Variants in ULK4 observed in about 807,000 individuals in gnomAD.
ULK4 encodes the protein inactive serine/threonine-protein kinase ULK4.
ULK4 carries 133 observed loss-of-function variants against 160.6 expected under a neutral mutation model. The observed-to-expected ratio is 0.83, with a 90% CI of 0.72 to 0.96. The LOEUF (loss-of-function observed/expected upper bound fraction) is 0.96, where lower values mean the gene tolerates loss of function less well. Ranked by LOEUF, ULK4 falls within the 40% of genes least tolerant of loss-of-function variation. The pLI is 0.00. For missense variants in ULK4, 1,580 were observed against 1,499.5 expected (o/e 1.05, Z -0.89); for synonymous variants, 534 against 539.8 (o/e 0.99, Z 0.15).
chr3:41,837,514 T>C (rs1275669323), intron 17 of ULK4, among the ~76,000 whole-genome samples: 1 of 152,196 alleles, frequency 6.6e-6, no homozygotes, highest in Non-Finnish European at 1.5e-5. Flanking sequence ...GTCTGGCTTC[T>C]TTCAGCATAA....
chr3:41,325,462 A>G (rs2080322623), intron 35 of ULK4, among the ~76,000 whole-genome samples: 1 of 152,230 alleles, frequency 6.6e-6, no homozygotes, highest in Non-Finnish European at 1.5e-5. Context: ...ATAAACACAT[A>G]CTTTTGATGC....
chr3:41,605,945 A>G (rs1186204690), intron 31 of ULK4, among the ~76,000 whole-genome samples: 1 of 152,056 alleles, frequency 6.6e-6, no homozygotes, highest in East Asian at 1.9e-4. Context: ...TAAAAAATAT[A>G]TCTGACAGTC....
intron 17 of ULK4, chr3:41,859,542 G>C (rs1451466276): frequency 1.8e-6 from 1 of 543,212 alleles, no homozygotes; most frequent in African/African-American, 1.9e-5. Context: ...AGCCAACGAA[G>C]CCCCAGAACA....
Position 41,431,547 on chromosome 3 carries a change from C to CTTTTTTTTTTTTTTTTTTTTTTTTTTTT in ULK4, c.3492+23949_3492+23950insAAAAAAAAAAAAAAAAAAAAAAAAAAAA, listed in dbSNP as rs1553664758. The stretch of plus-strand genomic sequence containing the variant: ...CCTGTGAGGTGTTGTAATTCCCTCC[C>CTTTTTTTTTTTTTTTTTTTTTTTTTTTT]TTTTTTTTTTTTTTTGATGTGGAAA... On this transcript the variant is annotated intron_variant, in intron 34 of 36. Transcript: ENST00000301831. Among the ~76,000 whole-genome samples, 155 of 95,816 alleles carry CTTTTTTTTTTTTTTTTTTTTTTTTTTTT rather than the reference C, an allele frequency of 1.6e-3. 18 individuals carry two copies. The highest frequency in any genetic ancestry group is 4.4e-3 in the East Asian group (10 of 2,252). 62.9% of individuals were successfully genotyped at this position (95,816 alleles called of 152,430 possible).
intron 18 of ULK4, among the ~76,000 whole-genome samples, chr3:41,832,080 G>A (rs1223378996): frequency 6.6e-6 from 1 of 152,122 alleles, no homozygotes; most frequent in Non-Finnish European, 1.5e-5. Context: ...TGGGATTGCT[G>A]GGTCAAATGG....
At chr3:41,262,276 T>TCCAGGGGC (rs1369440279) in intron 35 of ULK4, among the ~76,000 whole-genome samples, 2 of 152,186 alleles carry the variant, frequency 1.3e-5, no homozygotes, top group Non-Finnish European at 2.9e-5. Flanking sequence ...AGTCCCAGCT[T>TCCAGGGGC]CCAGGGGCCC....
chr3:41,413,443 G>GA (rs2082453627), intron 34 of ULK4, among the ~76,000 whole-genome samples: 1 of 152,060 alleles, frequency 6.6e-6, no homozygotes, highest in African/African-American at 2.4e-5. Flanking sequence ...ATGACAAAAG[G>GA]AAAAATTGAT....
chr3:41,782,156 AT>A (rs35717916), intron 21 of ULK4, among the ~76,000 whole-genome samples: 287 of 142,752 alleles, frequency 2.0e-3, no homozygotes, highest in Middle Eastern at 3.5e-3. Flanking sequence ...GCGATTCTGA[AT>A]TTTTTTTTTT....
At chr3:41,865,679 T>C (rs1378828166) in intron 17 of ULK4, among the ~76,000 whole-genome samples, 7 of 152,158 alleles carry the variant, frequency 4.6e-5, no homozygotes, top group Non-Finnish European at 1.0e-4. Context: ...CCCAATTACT[T>C]GGCTCAAAGA....
chr3:41,863,730 G>T (rs563083864), intron 17 of ULK4, among the ~76,000 whole-genome samples: 1 of 151,894 alleles, frequency 6.6e-6, no homozygotes, highest in Non-Finnish European at 1.5e-5. Context: ...GGGTGTTCTA[G>T]AAATACCATC....
intron 35 of ULK4, among the ~76,000 whole-genome samples, chr3:41,337,951 A>G (rs1363304351): frequency 6.6e-6 from 1 of 152,196 alleles, no homozygotes; most frequent in African/African-American, 2.4e-5. Flanking sequence ...AACCAGAGGG[A>G]AAGATGATGA....
chr3:41,748,144 CTA>C (rs143813305), intron 22 of ULK4, among the ~76,000 whole-genome samples: 29,791 of 145,316 alleles, frequency 0.21, 3,005 homozygotes, highest in Middle Eastern at 0.34. Flanking sequence ...TATATAGAGA[CTA>C]TATATATATA....
chr3:41,842,202 A>C (rs1430641588), intron 17 of ULK4, among the ~76,000 whole-genome samples: 2 of 148,924 alleles, frequency 1.3e-5, no homozygotes, highest in South Asian at 2.1e-4. Context: ...AAAAAAAAGA[A>C]GACTAAGGTG....
intron 31 of ULK4, among the ~76,000 whole-genome samples, chr3:41,584,474 A>G (rs534181944): frequency 6.6e-6 from 1 of 152,188 alleles, no homozygotes; most frequent in Non-Finnish European, 1.5e-5. Context: ...TAATTAGTAG[A>G]GATGAGGTCT....
At chr3:41,716,219 T>TAATAATAAC (rs1162710698) in intron 23 of ULK4, among the ~76,000 whole-genome samples, 47 of 39,176 alleles carry the variant, frequency 1.2e-3, no homozygotes, top group African/African-American at 3.1e-3. Flanking sequence ...TCTCACAAAA[T>TAATAATAAC]AATAATAATA....
intron 32 of ULK4, among the ~76,000 whole-genome samples, chr3:41,509,284 A>G (rs1216238123): frequency 6.6e-6 from 1 of 152,124 alleles, no homozygotes; most frequent in East Asian, 1.9e-4. Flanking sequence ...AGAAGAAAGA[A>G]TTTTTAAAAA....
chr3:41,471,207 T>C (rs987313821), intron 32 of ULK4, among the ~76,000 whole-genome samples: 1 of 152,028 alleles, frequency 6.6e-6, no homozygotes, highest in Non-Finnish European at 1.5e-5. Flanking sequence ...CTTCTATTTA[T>C]ATAAAACAAA....
rs566805860 is a variant in ULK4, at chr3:41,901,479, C to CTTTTTTTTTTT, written c.1183-661_1183-651dup. ...ACAGGCGTGAGCCACCACGCCCAGC[C>CTTTTTTTTTTT]TTTTTTTTTTTTTTTTTTTGAGATA... On this transcript the variant is annotated intron_variant, in intron 12 of 36. Coordinates refer to ENST00000301831, the MANE Select transcript of ULK4 (RefSeq NM_017886.4). Among the ~76,000 whole-genome samples the CTTTTTTTTTTT allele has an allele frequency of 6.7e-4, 15 of 22,546 alleles. 6 individuals are homozygous for CTTTTTTTTTTT. Among genetic ancestry groups the CTTTTTTTTTTT allele is most frequent in the Non-Finnish European group, 1.9e-3 (11 of 5,742 alleles). The allele number at this position is 22,546 out of a possible 152,430, so 14.8% of individuals were successfully genotyped here.
intron 31 of ULK4, among the ~76,000 whole-genome samples, chr3:41,584,157 A>G (rs2030606985): frequency 6.6e-6 from 1 of 152,232 alleles, no homozygotes. Context: ...GATTGGGAGA[A>G]GATTATACAA....
Sources: allele counts gnomAD v4.1 joint callset (sites outside exome capture counted in the v4.1 genomes callset), GRCh38; gene constraint gnomAD v4.1.1; transcripts MANE v1.5; gene names NCBI Gene and HGNC (gene_info 2026-07-23, HGNC 2026-07-21).